Variants in SLC6A9 observed in about 807,000 individuals in gnomAD.
SLC6A9 encodes the protein sodium- and chloride-dependent glycine transporter 1.
Under a neutral mutation model 70.9 loss-of-function variants are expected in SLC6A9, and 31 were observed. The ratio of observed to expected loss-of-function variants is 0.44; its 90% CI spans 0.33 to 0.59. SLC6A9 has a LOEUF of 0.59. Among genes scored for constraint, SLC6A9 ranks in the 20% least tolerant of loss-of-function variants. The pLI, the probability that SLC6A9 is intolerant of heterozygous loss-of-function variation, is 0.04. For synonymous variants in SLC6A9, 310 were observed against 341.3 expected, an observed-to-expected ratio of 0.91 and a Z score of 1.01; for missense variants, 631 against 845.2, an observed-to-expected ratio of 0.75 and a Z score of 3.14.
Position 44,013,953 on chromosome 1 carries a change from G to A in SLC6A9, c.31-3071C>T, listed in dbSNP as rs1478540921. ...CCTCTAGTTTTTCTTGATCTGCTGG[G>A]TGGACGGCTGTGTCACTGATATGAA... On this transcript the variant is annotated intron_variant, in intron 2 of 13. Coordinates refer to ENST00000372310, the MANE Select transcript of SLC6A9 (RefSeq NM_001024845.3). The surrounding 1 kb of genome is among the most constrained non-coding windows in gnomAD (Gnocchi z 5.3). Among the ~76,000 whole-genome samples, 1 of 152,054 alleles carries A rather than the reference G, an allele frequency of 6.6e-6. No individual in the cohort carries two copies. Among genetic ancestry groups the A allele is most frequent in the Admixed American group, 6.5e-5 (1 of 15,272 alleles).
At chr1:44,000,600 G>A (rs1246003741) in intron 12 of SLC6A9, among the ~76,000 whole-genome samples, 167 bp downstream of exon 12, 1 of 152,224 alleles carries the variant, frequency 6.6e-6, no homozygotes, top group African/African-American at 2.4e-5. Context: ...GTCGCCACAC[G>A]CCTCTCTGAC....
In SLC6A9 at chr1:44,002,817, G is replaced by A. The variant is rs1404652390; in HGVS notation, c.723+36C>T. On this transcript the variant is annotated intron_variant, in intron 6 of 13. Coordinates refer to ENST00000372310, the MANE Select transcript of SLC6A9 (RefSeq NM_001024845.3). The surrounding 1 kb of genome is among the most constrained non-coding windows in gnomAD (Gnocchi z 5.5). The stretch of plus-strand genomic sequence containing the variant: ...CCCAGGTAGGGGGCAGGGTCTTTCT[G>A]GGTGGGCACAGACCCTGCTGGGGAG... 4 of 1,612,470 alleles carry A rather than the reference G, an allele frequency of 2.5e-6. No homozygotes were observed. Among genetic ancestry groups the A allele is most frequent in the Non-Finnish European group, 3.4e-6 (4 of 1,178,954 alleles).
At chr1:43,998,174 C>T (rs759925367) in intron 12 of SLC6A9, 149 bp from the exon 13 acceptor site, 30 of 748,706 alleles carry the variant, frequency 4.0e-5, no homozygotes, top group East Asian at 2.8e-5. Context: ...ACATCTGGGC[C>T]GTGGAAGAAG....
intron 5 of SLC6A9, among the ~76,000 whole-genome samples, chr1:44,006,816 G>A (rs1471494946): frequency 6.6e-6 from 1 of 152,136 alleles, no homozygotes; most frequent in Non-Finnish European, 1.5e-5. Flanking sequence ...ACCTGTCTTT[G>A]AGTGTCTACA....
chr1:44,017,151 C>CCAGCG, intron 2 of SLC6A9: 2 of 1,607,064 alleles, frequency 1.2e-6, no homozygotes, highest in Non-Finnish European at 1.7e-6. Flanking sequence ...TCTGCCAGCT[C>CCAGCG]CAGCGCGACA....
Position 44,018,815 on chromosome 1 carries a change from A to G in SLC6A9, c.30+5433T>C, listed in dbSNP as rs2086827620. ...TGTGGTGGTGTGTACCTATAGTCCC[A>G]GCTACTCAGGAGACTGAGGAGGGAG... On this transcript the variant is annotated intron_variant, in intron 2 of 13. Transcript: ENST00000372310. The surrounding 1 kb of genome is among the most constrained non-coding windows in gnomAD (Gnocchi z 4.2). 6.6e-6 allele frequency among the ~76,000 whole-genome samples: 1 copy of G among 152,074 alleles called. No individual in the cohort carries two copies. The highest frequency in any genetic ancestry group is 1.5e-5 in the Non-Finnish European group (1 of 68,014).
chr1:44,009,222 CCT>C (rs1043095577), intron 4 of SLC6A9, among the ~76,000 whole-genome samples: 3 of 138,056 alleles, frequency 2.2e-5, no homozygotes, highest in African/African-American at 8.9e-5. Context: ...GATGGGGTTT[CCT>C]TTTTTTTTTT....
intron 1 of SLC6A9, among the ~76,000 whole-genome samples, chr1:44,026,802 A>G (rs1373815712): frequency 2.0e-5 from 3 of 152,198 alleles, no homozygotes; most frequent in Non-Finnish European, 4.4e-5. Context: ...AATTCCTCCA[A>G]TTCCTCCTAT....
chr1:44,019,230 C>T (rs1022480489), intron 2 of SLC6A9, among the ~76,000 whole-genome samples: 6 of 152,250 alleles, frequency 3.9e-5, no homozygotes, highest in Non-Finnish European at 7.3e-5. Context: ...GACAGCCCAT[C>T]ACCCTGTGGG....
chr1:44,023,625 C>A (rs1364036809), intron 2 of SLC6A9, among the ~76,000 whole-genome samples: 1 of 152,042 alleles, frequency 6.6e-6, no homozygotes, highest in Non-Finnish European at 1.5e-5. Flanking sequence ...GCCTGGGCAA[C>A]AGAGTGAGAC....
At chr1:44,027,778 C>T (rs1179739312) in intron 1 of SLC6A9, among the ~76,000 whole-genome samples, 2 of 152,180 alleles carry the variant, frequency 1.3e-5, no homozygotes, top group African/African-American at 4.8e-5. Context: ...GAGTTCGAGA[C>T]CAGCCTGGCT....
intron 2 of SLC6A9, among the ~76,000 whole-genome samples, chr1:44,014,143 C>T (rs979271607): frequency 5.3e-5 from 8 of 152,108 alleles, no homozygotes; most frequent in African/African-American, 1.9e-4. Flanking sequence ...CATCTGCCCC[C>T]CTCTGCTCAC....
intron 1 of SLC6A9, among the ~76,000 whole-genome samples, chr1:44,027,511 C>A (rs1557698141): frequency 6.6e-6 from 1 of 152,198 alleles, no homozygotes; most frequent in Non-Finnish European, 1.5e-5. Context: ...GCCTAAATTG[C>A]TTAGCAGGCG....
At chr1:44,008,261 A>AG in intron 5 of SLC6A9, 92 bp downstream of exon 5, 1 of 1,315,258 alleles carries the variant, frequency 7.6e-7, no homozygotes, top group Non-Finnish European at 1.1e-6. Flanking sequence ...CTGAACCTGC[A>AG]GCAGGCACCC....
intron 2 of SLC6A9, chr1:44,017,340 T>C: frequency 7.2e-7 from 1 of 1,391,268 alleles, no homozygotes. Context: ...GTTGTGTTTT[T>C]CCCTTGTTCC....
At chr1:44,009,386 A>G (rs2086461943) in intron 4 of SLC6A9, among the ~76,000 whole-genome samples, 1 of 151,516 alleles carries the variant, frequency 6.6e-6, no homozygotes, top group South Asian at 2.1e-4. Flanking sequence ...CACCAAGCTA[A>G]TTTTGTTTTT....
intron 12 of SLC6A9, among the ~76,000 whole-genome samples, chr1:43,999,058 C>T (rs2085992199): frequency 6.6e-6 from 1 of 151,834 alleles, no homozygotes; most frequent in African/African-American, 2.4e-5. Flanking sequence ...TTCTAGAATG[C>T]AAGACCCACA....
intron 12 of SLC6A9, 44 bp downstream of exon 12, chr1:44,000,723 C>G (rs567603664): frequency 7.6e-7 from 1 of 1,317,806 alleles, no homozygotes; most frequent in Admixed American, 1.8e-5. Context: ...GGACACATGG[C>G]CAAGGGGCAG....
intron 12 of SLC6A9, 74 bp from the exon 13 acceptor site, chr1:43,998,099 A>G: frequency 7.3e-7 from 1 of 1,376,256 alleles, no homozygotes; most frequent in Non-Finnish European, 9.9e-7. Flanking sequence ...CTCTACCAGC[A>G]CCCTTTCCTC....
Sources: allele counts gnomAD v4.1 joint callset (sites outside exome capture counted in the v4.1 genomes callset), GRCh38; gene constraint gnomAD v4.1.1; non-coding constraint Gnocchi (gnomAD v3.1); transcripts MANE v1.5; gene names NCBI Gene and HGNC (gene_info 2026-07-23, HGNC 2026-07-21).